COP1: variants seen among roughly 807,000 people sequenced by gnomAD.
The protein encoded by COP1 is COP1 E3 ubiquitin ligase.
In COP1, 24 loss-of-function variants were observed where a neutral mutation model predicts 101.3. The ratio of observed to expected loss-of-function variants is 0.24; its 90% confidence interval spans 0.17 to 0.33. COP1 has a LOEUF of 0.33. COP1 is among the 10% of genes least tolerant of loss of function. COP1 has a pLI of 1.00. For missense variants in COP1, 663 were observed against 906.2 expected, an observed-to-expected ratio of 0.73 and a Z score of 3.45; for synonymous variants, 347 against 341.9, an observed-to-expected ratio of 1.01 and a Z score of -0.17.
chr1:175,973,210 T>C (rs1037589180), intron 18 of COP1, among the ~76,000 whole-genome samples: 1 of 152,186 alleles, frequency 6.6e-6, no homozygotes, highest in Non-Finnish European at 1.5e-5. Flanking sequence ...TAATCAGTAC[T>C]GGAGTCTGAA....
At chr1:175,952,556 A>G (rs1164669912) in intron 18 of COP1, among the ~76,000 whole-genome samples, 1 of 152,144 alleles carries the variant, frequency 6.6e-6, no homozygotes. Flanking sequence ...GCTGTAAGAA[A>G]TTGTTAAAGG....
At position 176,121,069 on chromosome 1, in the gene COP1, AAGAG is replaced by A. The variant is rs1359849324; in HGVS notation, c.969-4392_969-4389del. Among the ~76,000 whole-genome samples the A allele has an allele frequency of 2.6e-5, 4 of 152,150 alleles. No individual in the cohort carries two copies. In the East Asian group the frequency reaches 5.8e-4, roughly 22 times the overall value. ...TTGATTTTTTTTGCTATAAACGTAAAAGAGAGAAAAATAAACTTCTACATTTAAT... is the reference window on the plus strand; with the variant it reads ...TTGATTTTTTTTGCTATAAACGTAAAAGAAAAATAAACTTCTACATTTAAT... On this transcript the variant is annotated intron_variant, in intron 8 of 19. Transcript: ENST00000367669.
At chr1:176,099,052 G>A (rs1682912022) in intron 9 of COP1, among the ~76,000 whole-genome samples, 1 of 152,016 alleles carries the variant, frequency 6.6e-6, no homozygotes. Flanking sequence ...CATAATTAAG[G>A]TTGTTATGTT....
At chr1:176,011,551 T>A (rs535494946) in intron 15 of COP1, among the ~76,000 whole-genome samples, 1 of 152,328 alleles carries the variant, frequency 6.6e-6, no homozygotes, top group South Asian at 2.1e-4. Flanking sequence ...AGTATGCTTA[T>A]CATACCATCT....
chr1:175,947,519 C>T lies in COP1; in HGVS notation c.2134-280G>A, dbSNP rs1382887529. Among the ~76,000 whole-genome samples the T allele has an allele frequency of 7.9e-5, 12 of 151,852 alleles. 1 individual carries two copies. Among genetic ancestry groups the T allele is most frequent in the East Asian group, 3.9e-4 (2 of 5,166 alleles). ...CCGAGTAGCTGGGATTACAGGCATGCGCCACCAGCCCAGGTAATTTTTGTA... is the reference window on the plus strand; with the variant it reads ...CCGAGTAGCTGGGATTACAGGCATGTGCCACCAGCCCAGGTAATTTTTGTA... On this transcript the variant is annotated intron_variant, in intron 18 of 19. Coordinates refer to ENST00000367669, the MANE Select transcript of COP1 (RefSeq NM_022457.7).
At chr1:176,167,869 C>CT (rs1695374427) in intron 3 of COP1, among the ~76,000 whole-genome samples, 1 of 152,096 alleles carries the variant, frequency 6.6e-6, no homozygotes, top group Non-Finnish European at 1.5e-5. Flanking sequence ...CAGTACCCAT[C>CT]TCACAAGCCT....
intron 9 of COP1, among the ~76,000 whole-genome samples, chr1:176,109,497 T>C (rs758658892): frequency 7.2e-5 from 11 of 152,190 alleles, no homozygotes; most frequent in Non-Finnish European, 1.6e-4. Flanking sequence ...TTAGAGTACA[T>C]TTTAATAGTT....
chr1:175,977,570 A>AT (rs1654874980), intron 18 of COP1, among the ~76,000 whole-genome samples: 1 of 152,162 alleles, frequency 6.6e-6, no homozygotes. Flanking sequence ...GGAATAAGAG[A>AT]TAAAAAAGGT....
intron 18 of COP1, among the ~76,000 whole-genome samples, chr1:175,985,551 C>T (rs559107718): frequency 1.9e-4 from 29 of 152,274 alleles, no homozygotes; most frequent in South Asian, 1.0e-3. Flanking sequence ...ACCCATACAA[C>T]GTCAGGCACT....
intron 1 of COP1, among the ~76,000 whole-genome samples, chr1:176,204,673 C>G (rs1202448716): frequency 6.6e-6 from 1 of 152,172 alleles, no homozygotes; most frequent in South Asian, 2.1e-4. Context: ...TAATCCCTCC[C>G]AGCACCTTGG....
At chr1:176,062,157 C>T (rs929709311) in intron 11 of COP1, among the ~76,000 whole-genome samples, 8 of 152,040 alleles carry the variant, frequency 5.3e-5, no homozygotes, top group African/African-American at 9.7e-5. Flanking sequence ...CCCGCCAGCA[C>T]GCCTGGATAA....
At chr1:176,179,012 C>T (rs1292074655) in intron 2 of COP1, among the ~76,000 whole-genome samples, 1 of 151,276 alleles carries the variant, frequency 6.6e-6, no homozygotes, top group Non-Finnish European at 1.5e-5. Flanking sequence ...AAGACAAGGC[C>T]GGGTGCAGCG....
intron 9 of COP1, among the ~76,000 whole-genome samples, chr1:176,113,666 T>G (rs1358895679): frequency 1.3e-5 from 2 of 152,158 alleles, no homozygotes; most frequent in Admixed American, 6.5e-5. Flanking sequence ...TAAATAAATT[T>G]TATTTATTGC....
chr1:176,110,792 G>C (rs1217487825), intron 9 of COP1, among the ~76,000 whole-genome samples: 1 of 152,176 alleles, frequency 6.6e-6, no homozygotes, highest in East Asian at 1.9e-4. Flanking sequence ...CCTCTTACTA[G>C]CTATATTATC....
rs1670976389 is a variant in COP1 at position 176,043,398 on chromosome 1, T to C, written c.1531-131A>G. On this transcript the variant is annotated intron_variant, in intron 13 of 19. Transcript: ENST00000367669. ...GAAAGACAACAGGCTAGAAAACAAATGAAAAGCAAATAAGATGTTGATATA... is the reference window on the plus strand; with the variant it reads ...GAAAGACAACAGGCTAGAAAACAAACGAAAAGCAAATAAGATGTTGATATA... 2.7e-5 allele frequency: 16 copies of C among 597,760 alleles called. 1 individual carries two copies. In the South Asian group the frequency reaches 3.8e-4, roughly 14 times the overall value. The allele number at this position is 597,760 out of a possible 1,614,324, so 37.0% of individuals were successfully genotyped here.
intron 11 of COP1, among the ~76,000 whole-genome samples, chr1:176,062,757 T>C (rs1215659167): frequency 1.3e-5 from 1 of 76,762 alleles, no homozygotes; most frequent in African/African-American, 4.0e-5. Context: ...ATAAATAAAC[T>C]GTACAATTAT....
chr1:176,080,142 A>G (rs941641554), intron 11 of COP1, among the ~76,000 whole-genome samples: 1 of 152,232 alleles, frequency 6.6e-6, no homozygotes, highest in African/African-American at 2.4e-5. Flanking sequence ...CGCTGTATGC[A>G]ATAAACACAA....
chr1:176,161,758 T>C (rs923667497), intron 5 of COP1, among the ~76,000 whole-genome samples: 5 of 152,160 alleles, frequency 3.3e-5, no homozygotes, highest in Admixed American at 6.5e-5. Context: ...TAGTAAACTA[T>C]GGTTAAAACC....
chr1:175,983,575 GTGC>G (rs1656388678), intron 18 of COP1, among the ~76,000 whole-genome samples: 1 of 152,166 alleles, frequency 6.6e-6, no homozygotes, highest in Non-Finnish European at 1.5e-5. Flanking sequence ...CAGAAGTGGG[GTGC>G]TGCTGAAAAG....
Sources: allele counts gnomAD v4.1 joint callset (sites outside exome capture counted in the v4.1 genomes callset), GRCh38; gene constraint gnomAD v4.1.1; transcripts MANE v1.5; gene names NCBI Gene and HGNC (gene_info 2026-07-23, HGNC 2026-07-21).